Variants in ZNF420 observed in about 807,000 individuals in gnomAD.
The protein encoded by ZNF420 is ATM and p53-associated KZNF protein.
A neutral mutation model predicts 44.7 loss-of-function variants in ZNF420; 31 were observed. The ratio of observed to expected loss-of-function variants is 0.69; its 90% CI spans 0.52 to 0.94. The LOEUF (loss-of-function observed/expected upper bound fraction) is 0.94. Ranked by LOEUF, ZNF420 falls within the 40% of genes least tolerant of loss-of-function variation. The pLI, the probability that ZNF420 is intolerant of heterozygous loss-of-function variation, is 0.00. For synonymous variants in ZNF420, 245 were observed against 267.4 expected, an observed-to-expected ratio of 0.92 and a Z score of 0.82; for missense variants, 681 against 827.9, an observed-to-expected ratio of 0.82 and a Z score of 2.18.
At chr19:37,112,066 G>A (rs1371751188) in intron 4 of ZNF420, among the ~76,000 whole-genome samples, 7 of 151,858 alleles carry the variant, frequency 4.6e-5, no homozygotes, top group African/African-American at 7.3e-5. Context: ...TCCAGTTTTC[G>A]TTTTGGTAGC....
chr19:37,034,961 A>G (rs1309302964), intron 1 of ZNF420, among the ~76,000 whole-genome samples: 1 of 152,214 alleles, frequency 6.6e-6, no homozygotes, highest in Non-Finnish European at 1.5e-5. Context: ...TGCTGAGGGA[A>G]ATAGGGTGGT....
intron 1 of ZNF420, among the ~76,000 whole-genome samples, chr19:37,026,500 G>A (rs1967163179): frequency 6.6e-6 from 1 of 152,116 alleles, no homozygotes; most frequent in African/African-American, 2.4e-5. Context: ...TGTATTTTCA[G>A]TAGAGATGGG....
intron 4 of ZNF420, among the ~76,000 whole-genome samples, chr19:37,124,339 C>T (rs993380657): frequency 7.9e-5 from 12 of 152,206 alleles, no homozygotes; most frequent in Non-Finnish European, 1.3e-4. Context: ...CCTGGAATGG[C>T]CAAAGTTTGC....
At chr19:37,073,289 G>A (rs1052946622) in intron 1 of ZNF420, among the ~76,000 whole-genome samples, 1 of 152,160 alleles carries the variant, frequency 6.6e-6, no homozygotes, top group Admixed American at 6.5e-5. Flanking sequence ...ATAATCCTAA[G>A]TTTATTGGAT....
chr19:37,021,456 G>A (rs576761170), intron 1 of ZNF420, among the ~76,000 whole-genome samples: 143 of 151,996 alleles, frequency 9.4e-4, no homozygotes, highest in African/African-American at 3.3e-3. Flanking sequence ...TAGTAGAGAT[G>A]GGGTGTCTCC....
chr19:37,126,663 T>G (rs1191021223), intron 4 of ZNF420, among the ~76,000 whole-genome samples: 5 of 152,194 alleles, frequency 3.3e-5, no homozygotes, highest in Non-Finnish European at 7.4e-5. Context: ...CCAGGTGATT[T>G]TGATCCCCAC....
At chr19:37,075,954 AT>A (rs1296798128), upstream of ZNF420, among the ~76,000 whole-genome samples, 1 of 152,156 alleles carries the variant, frequency 6.6e-6, no homozygotes, top group Middle Eastern at 3.2e-3. Flanking sequence ...ATCACATAGT[AT>A]TCTAACAAAT....
At chr19:37,056,758 A>G (rs1967761082) in intron 1 of ZNF420, among the ~76,000 whole-genome samples, 2 of 152,238 alleles carry the variant, frequency 1.3e-5, no homozygotes, top group African/African-American at 4.8e-5. Flanking sequence ...AGACCCGAGC[A>G]GGCGCCCTGA....
At chr19:37,113,932 A>G (rs112263911) in intron 4 of ZNF420, among the ~76,000 whole-genome samples, 2,929 of 152,314 alleles carry the variant, frequency 0.019, 79 homozygotes, top group East Asian at 0.05. Context: ...CCAATCATAA[A>G]GAATGAGTCT....
chr19:37,117,506 C>T (rs1393550441), intron 4 of ZNF420, among the ~76,000 whole-genome samples: 2 of 151,846 alleles, frequency 1.3e-5, no homozygotes, highest in African/African-American at 4.9e-5. Context: ...GTAGATAAAA[C>T]CACAAAGATG....
At chr19:37,029,857 C>T (rs1967225412) in intron 1 of ZNF420, among the ~76,000 whole-genome samples, 2 of 145,014 alleles carry the variant, frequency 1.4e-5, no homozygotes. Flanking sequence ...TTAAGGTACA[C>T]AATATAATGT....
chr19:37,115,343 G>A (rs1002389144), intron 4 of ZNF420, among the ~76,000 whole-genome samples: 12 of 152,212 alleles, frequency 7.9e-5, no homozygotes, highest in South Asian at 2.1e-4. Flanking sequence ...GAGGACCCGC[G>A]CCAGCACTGG....
At chr19:37,011,202 G>A (rs1329820096) in intron 1 of ZNF420, among the ~76,000 whole-genome samples, 1 of 152,180 alleles carries the variant, frequency 6.6e-6, no homozygotes, top group Non-Finnish European at 1.5e-5. Context: ...GGGAGAAAGT[G>A]GTGATCCGTG....
intron 1 of ZNF420, among the ~76,000 whole-genome samples, chr19:37,041,310 C>CAAA (rs369724759): frequency 7.5e-6 from 1 of 132,688 alleles, no homozygotes. Flanking sequence ...AACACTATCT[C>CAAA]AAAAAAAAAA....
At chr19:37,094,550 G>A (rs1390544840) in intron 4 of ZNF420, among the ~76,000 whole-genome samples, 3 of 151,942 alleles carry the variant, frequency 2.0e-5, no homozygotes, top group Non-Finnish European at 4.4e-5. Flanking sequence ...TATTTATTCA[G>A]TCCACATACA....
At chr19:37,103,717 T>A (rs1969906804) in intron 4 of ZNF420, among the ~76,000 whole-genome samples, 1 of 152,190 alleles carries the variant, frequency 6.6e-6, no homozygotes, top group African/African-American at 2.4e-5. Context: ...TTCCATTCCT[T>A]CTCATATTTT....
chr19:37,097,440 TA>T (rs111949301), intron 4 of ZNF420, among the ~76,000 whole-genome samples: 2 of 152,204 alleles, frequency 1.3e-5, no homozygotes, highest in Non-Finnish European at 2.9e-5. Flanking sequence ...TTTGTACCTT[TA>T]AAAAAAGGCA....
At chr19:37,035,396 C>T (rs1320157158) in intron 1 of ZNF420, among the ~76,000 whole-genome samples, 3 of 152,094 alleles carry the variant, frequency 2.0e-5, no homozygotes, top group African/African-American at 7.2e-5. Context: ...ATGGGATCTT[C>T]CTATGTTGCC....
chr19:37,129,400 G>C lies in ZNF420; in HGVS notation c.*342G>C, dbSNP rs1971541787. 1 of 231,758 alleles carries C rather than the reference G, an allele frequency of 4.3e-6. No individual in the cohort carries two copies. The highest frequency in any genetic ancestry group is 8.5e-6 in the Non-Finnish European group (1 of 118,308). The allele number at this position is 231,758 out of a possible 1,614,324, so 14.4% of individuals were successfully genotyped here. On this transcript the variant is annotated 3_prime_UTR_variant, in exon 5 of 5. Coordinates refer to ENST00000337995, the MANE Select transcript of ZNF420 (RefSeq NM_144689.5). ...CTCTACCTTGGTTTAATCATTTTAA[G>C]ATAGACCTAAGTATATTACCTTTAT...
Sources: allele counts gnomAD v4.1 joint callset (sites outside exome capture counted in the v4.1 genomes callset), GRCh38; gene constraint gnomAD v4.1.1; transcripts MANE v1.5; gene names NCBI Gene and HGNC (gene_info 2026-07-23, HGNC 2026-07-21).